Variants in KAT14 observed in about 807,000 individuals in gnomAD.
The protein encoded by KAT14 is cysteine-rich protein 2-binding protein.
KAT14 carries 66 observed loss-of-function variants against 78.4 expected under a neutral mutation model. The ratio of observed to expected loss-of-function variants is 0.84; its 90% confidence interval spans 0.69 to 1.03. KAT14 has a LOEUF of 1.03. Among genes scored for constraint, KAT14 ranks in the 50% least tolerant of loss-of-function variants. The pLI, the probability that KAT14 is intolerant of heterozygous loss-of-function variation, is 0.00. For synonymous variants in KAT14, 344 were observed against 359.4 expected (o/e 0.96, Z 0.48); for missense variants, 870 against 972.5 (o/e 0.89, Z 1.40).
intron 4 of KAT14, among the ~76,000 whole-genome samples, chr20:18,153,982 T>C (rs1326341246): frequency 6.6e-6 from 1 of 152,208 alleles, no homozygotes; most frequent in East Asian, 1.9e-4. Context: ...TTAATGAGAA[T>C]TTAAAGCAGT....
Position 18,162,037 on chromosome 20 carries a change from A to G in KAT14, c.897A>G (p.Pro299=), listed in dbSNP as rs2038446098. The G allele has an allele frequency of 6.2e-7, 1 of 1,614,152 alleles. No individual in the cohort carries two copies. Among genetic ancestry groups the G allele is most frequent in the Non-Finnish European group, 8.5e-7 (1 of 1,180,054 alleles). Residue 299 remains proline (P), a synonymous_variant, in exon 6 of 11, where the codon CCA becomes CCG. Transcript: ENST00000688188. ...PVKFISRGRR[P]DVILEKGEVI... ...AATTCATAAGCCGAGGCCGCAGGCC[A>G]GATGTGATTCTGGAAAAAGGCGAAG... is the stretch of plus-strand genomic sequence containing the variant.
intron 2 of KAT14, among the ~76,000 whole-genome samples, chr20:18,144,725 A>G (rs540828993): frequency 6.6e-6 from 1 of 152,358 alleles, no homozygotes; most frequent in East Asian, 1.9e-4. Flanking sequence ...GCATATTTAG[A>G]AAACCAAGAA....
chr20:18,137,979 G>T lies in KAT14; in HGVS notation c.-526G>T. Reference sequence around the variant, plus strand: ...GGATGTCTAGGAGCTCGAAGGTGGTGCTGGGCCTCTCGGTGCTGCTGACGG... The same window carrying T: ...GGATGTCTAGGAGCTCGAAGGTGGTTCTGGGCCTCTCGGTGCTGCTGACGG... On this transcript the variant is annotated 5_prime_UTR_variant, in exon 1 of 11. Transcript: ENST00000688188. The T allele has an allele frequency of 1.3e-6, 2 of 1,506,034 alleles. No individual in the cohort carries two copies. The highest frequency in any genetic ancestry group is 1.8e-6 in the Non-Finnish European group (2 of 1,134,254). 93.3% of individuals were successfully genotyped at this position (1,506,034 alleles called of 1,614,324 possible).
chr20:18,163,926 G>A (rs181446001), intron 7 of KAT14, among the ~76,000 whole-genome samples: 3 of 152,280 alleles, frequency 2.0e-5, no homozygotes, highest in East Asian at 3.9e-4. Context: ...AACTTTATCT[G>A]TAAAGAAATA....
chr20:18,183,492 G>A (rs991114314), intron 9 of KAT14, 194 bp downstream of exon 9: 2 of 983,276 alleles, frequency 2.0e-6, no homozygotes, highest in Non-Finnish European at 1.2e-6. Flanking sequence ...GCAATAAACA[G>A]TGTTTTTGTT....
chr20:18,162,147 CT>C lies in KAT14; in HGVS notation c.1008del (p.Gly337ValfsTer18), dbSNP rs1568668408. ...TCTCCTTCTCTGGATTTCTCTGCCC[CT>C]GGTACACCTGCCTCTCATTCTGCCA... is the stretch of plus-strand genomic sequence containing the variant. Reference protein sequence around the residue: ...SPSPSLDFSAPGTPASHSATP... With the variant: ...SPSPSLDFSAXGTPASHSATP... On this transcript the variant is annotated frameshift_variant, in exon 6 of 11. Transcript: ENST00000688188. LOFTEE classifies it high-confidence loss of function. 19 of 1,614,130 alleles carry C rather than the reference CT, an allele frequency of 1.2e-5. No individual in the cohort carries two copies. Among genetic ancestry groups the C allele is most frequent in the East Asian group, 2.2e-5 (1 of 44,892 alleles).
At chr20:18,137,270 T>C (rs1000376615), upstream of KAT14, among the ~76,000 whole-genome samples, 10 of 151,056 alleles carry the variant, frequency 6.6e-5, no homozygotes, top group South Asian at 2.1e-4. Context: ...GCCTGGGCGA[T>C]AGACAGAGAC....
chr20:18,140,691 A>C (rs1029341169), intron 1 of KAT14, among the ~76,000 whole-genome samples: 12 of 151,922 alleles, frequency 7.9e-5, no homozygotes, highest in Admixed American at 7.9e-4. Flanking sequence ...GCACGCCTGT[A>C]ATCTCAGCTA....
intron 7 of KAT14, among the ~76,000 whole-genome samples, chr20:18,176,916 T>C (rs2039071430): frequency 1.3e-5 from 2 of 152,156 alleles, no homozygotes; most frequent in South Asian, 4.1e-4. Flanking sequence ...TGGGAGGCAG[T>C]TGATCCAGGC....
intron 7 of KAT14, among the ~76,000 whole-genome samples, chr20:18,175,510 C>G (rs570316983): frequency 1.3e-5 from 2 of 152,228 alleles, no homozygotes; most frequent in Non-Finnish European, 2.9e-5. Flanking sequence ...GTCGCCTCCC[C>G]GGGCTTTCTC....
At chr20:18,168,848 G>A (rs2038750886) in intron 7 of KAT14, among the ~76,000 whole-genome samples, 1 of 152,090 alleles carries the variant, frequency 6.6e-6, no homozygotes, top group Admixed American at 6.6e-5. Flanking sequence ...GTGGTTTGGT[G>A]TCTGACATTA....
At chr20:18,173,188 T>C (rs1172622224) in intron 7 of KAT14, among the ~76,000 whole-genome samples, 2 of 152,234 alleles carry the variant, frequency 1.3e-5, no homozygotes, top group Non-Finnish European at 2.9e-5. Flanking sequence ...TTCTTTGATA[T>C]TCACTGTGAG....
At chr20:18,181,489 C>T (rs552104123) in intron 7 of KAT14, among the ~76,000 whole-genome samples, 8 of 151,840 alleles carry the variant, frequency 5.3e-5, no homozygotes, top group Non-Finnish European at 1.2e-4. Context: ...CTGCCTCAGC[C>T]TCCCAAGTAG....
intron 7 of KAT14, among the ~76,000 whole-genome samples, chr20:18,169,785 C>T (rs1411386163): frequency 3.3e-5 from 5 of 152,212 alleles, no homozygotes; most frequent in African/African-American, 4.8e-5. Context: ...AGGCTGAAAG[C>T]GAGGCCTCTT....
intron 7 of KAT14, among the ~76,000 whole-genome samples, chr20:18,171,550 G>C (rs1007782646): frequency 6.6e-6 from 1 of 152,202 alleles, no homozygotes; most frequent in Non-Finnish European, 1.5e-5. Flanking sequence ...AGTGGCTCAC[G>C]CCTGTAATCC....
intron 1 of KAT14, among the ~76,000 whole-genome samples, chr20:18,141,179 C>T (rs2037560739): frequency 6.6e-6 from 1 of 151,798 alleles, no homozygotes; most frequent in African/African-American, 2.4e-5. Flanking sequence ...GCCACCACGC[C>T]TGGCCTAAAA....
At chr20:18,160,491 T>C (rs1177370013) in intron 5 of KAT14, among the ~76,000 whole-genome samples, 3 of 152,250 alleles carry the variant, frequency 2.0e-5, no homozygotes, top group Non-Finnish European at 4.4e-5. Context: ...TTACCCTATT[T>C]TATTTCATTA....
At chr20:18,186,461 C>A (rs1004445057) in intron 10 of KAT14, among the ~76,000 whole-genome samples, 8 of 152,170 alleles carry the variant, frequency 5.3e-5, no homozygotes, top group African/African-American at 1.9e-4. Flanking sequence ...GCAGAGAAAG[C>A]AGGTAGCTAT....
rs746306974 is a variant in KAT14, at chr20:18,162,467, T to C, written c.1190T>C (p.Val397Ala). The C allele has an allele frequency of 4.5e-5, 72 of 1,613,738 alleles. No individual in the cohort carries two copies. The highest frequency in any genetic ancestry group is 5.6e-5 in the Non-Finnish European group (66 of 1,179,968). Reference protein sequence around the residue: ...PAGSVASGPVVGVRKKVRGPE... With the variant: ...PAGSVASGPVAGVRKKVRGPE... ...GGGTCAGTAGCTTCTGGGCCAGTGG[T>C]TGGGGTCAGAAAGAAGGTCAGAGGC... Residue 397 changes from valine (V) to alanine (A), a missense_variant, in exon 7 of 11, where the codon GTT (valine) becomes GCT (alanine). Physicochemically the swap from Val to Ala is moderately conservative, Grantham distance 64 (BLOSUM62 0). Transcript: ENST00000688188.
Sources: gnomAD v4.1 joint callset for allele counts (sites outside exome capture counted in the v4.1 genomes callset) on GRCh38, gnomAD v4.1.1 for gene constraint, MANE v1.5 for transcripts, NCBI Gene and HGNC (gene_info 2026-07-23, HGNC 2026-07-21) for gene names.